Variants in MMP24 observed in about 807,000 individuals in gnomAD.
The protein encoded by MMP24 is matrix metallopeptidase 24, also known as matrix metalloproteinase-24.
Under a neutral mutation model 62.8 loss-of-function variants are expected in MMP24, and 25 were observed. The observed-to-expected ratio is 0.40, with a 90% CI of 0.29 to 0.56. MMP24 has a LOEUF of 0.56. Ranked by LOEUF, MMP24 falls within the 20% of genes least tolerant of loss-of-function variation. The probability of loss-of-function intolerance (pLI) is 0.50; values close to 1 mark genes in which losing one functional copy is unlikely to be tolerated. For missense variants in MMP24, 634 were observed against 853.6 expected (o/e 0.74, Z 3.21); for synonymous variants, 319 against 350.5 (o/e 0.91, Z 1.00).
In MMP24 at chr20:35,269,946, A is replaced by C. The variant is rs1412344952; in HGVS notation, c.1333+48A>C. ...ACAGTTCCCTGCCCAAGGTCTTGGG[A>C]CCTCCTTTTTCCCATCTAAACTGGA... On this transcript the variant is annotated intron_variant, in intron 7 of 8. Coordinates refer to ENST00000246186, the MANE Select transcript of MMP24 (RefSeq NM_006690.4). The surrounding 1 kb of genome is among the most constrained non-coding windows in gnomAD (Gnocchi z 4.6). The C allele has an allele frequency of 3.2e-6, 5 of 1,547,958 alleles. No individual in the cohort carries two copies. The highest frequency in any genetic ancestry group is 4.4e-6 in the Non-Finnish European group (5 of 1,144,732).
In MMP24 at chr20:35,272,128, C is replaced by T. The variant is rs527468677; in HGVS notation, c.1600+293C>T. The T allele has an allele frequency of 2.6e-3, 1,218 of 469,078 alleles. 13 individuals carry two copies. Among genetic ancestry groups the T allele is most frequent in the Middle Eastern group, 0.023 (42 of 1,818 alleles). The allele number at this position is 469,078 out of a possible 1,614,324, so 29.1% of individuals were successfully genotyped here. A position where few individuals can be genotyped will look rare whatever the true frequency, so the allele number is the denominator to read the frequency against. On this transcript the variant is annotated intron_variant, in intron 8 of 8. Coordinates refer to ENST00000246186, the MANE Select transcript of MMP24 (RefSeq NM_006690.4). ...ACTTATCCTCAGTGTACTCCAGGGA[C>T]GCCTTGAGTTACCCAATCTGAAAAG...
At chr20:35,230,949 AC>A (rs1468662015) in intron 1 of MMP24, among the ~76,000 whole-genome samples, 7 of 151,796 alleles carry the variant, frequency 4.6e-5, no homozygotes, top group Non-Finnish European at 1.0e-4. Flanking sequence ...TTTTCTCCAC[AC>A]CCCACAACCC....
chr20:35,239,309 T>C (rs1310157118), intron 1 of MMP24, among the ~76,000 whole-genome samples: 1 of 150,786 alleles, frequency 6.6e-6, no homozygotes, highest in Non-Finnish European at 1.5e-5. Flanking sequence ...AGTGCTGAGA[T>C]TACAGGCATG....
intron 4 of MMP24, 114 bp from the exon 5 acceptor site, chr20:35,263,677 C>CG: frequency 2.3e-6 from 2 of 861,962 alleles, no homozygotes; most frequent in Non-Finnish European, 3.4e-6. Flanking sequence ...CCCTGGTGTC[C>CG]AGCACGGGGC....
chr20:35,264,059 ACTG>A lies in MMP24; in HGVS notation c.979+114_979+116del, dbSNP rs2060618859. ...GGAGGGGGACGTTGCTATCATCAGC[ACTG>A]CTGCTGTTTCTCTGTGTGTGACCTT... On this transcript the variant is annotated intron_variant, in intron 5 of 8. Coordinates refer to ENST00000246186, the MANE Select transcript of MMP24 (RefSeq NM_006690.4). 8 of 1,221,318 alleles carry A rather than the reference ACTG, an allele frequency of 6.6e-6. No homozygotes were observed. The South Asian group carries it at 1.3e-4, about 20-fold the overall frequency. 75.7% of individuals were successfully genotyped at this position (1,221,318 alleles called of 1,614,324 possible). A position where few individuals can be genotyped will look rare whatever the true frequency, so the allele number is the denominator to read the frequency against.
At chr20:35,238,383 C>T (rs963398602) in intron 1 of MMP24, among the ~76,000 whole-genome samples, 8 of 151,916 alleles carry the variant, frequency 5.3e-5, no homozygotes, top group Admixed American at 3.3e-4. Flanking sequence ...GTAAGAATTG[C>T]GATAAGGAAA....
chr20:35,239,286 C>T (rs2060477489), intron 1 of MMP24, among the ~76,000 whole-genome samples: 1 of 152,090 alleles, frequency 6.6e-6, no homozygotes, highest in African/African-American at 2.4e-5. Flanking sequence ...ATCTGTCTGC[C>T]TCGGCCTCTC....
chr20:35,251,288 T>C (rs1227639247), intron 2 of MMP24, among the ~76,000 whole-genome samples: 5 of 151,836 alleles, frequency 3.3e-5, no homozygotes, highest in Admixed American at 6.6e-5. Context: ...CTGGCTAATT[T>C]TTTTTTTTGT....
At chr20:35,229,918 C>A (rs867073596) in intron 1 of MMP24, among the ~76,000 whole-genome samples, 7 of 152,180 alleles carry the variant, frequency 4.6e-5, no homozygotes, top group Admixed American at 3.3e-4. Context: ...ATTTTCTTCT[C>A]TCTTCTCCAG....
chr20:35,241,746 C>T (rs138793099), intron 1 of MMP24, among the ~76,000 whole-genome samples: 169 of 152,286 alleles, frequency 1.1e-3, no homozygotes, highest in African/African-American at 3.8e-3. Context: ...AGCACTGGAA[C>T]GCTAGAGTGG....
chr20:35,244,721 T>C (rs1266157116), intron 1 of MMP24, among the ~76,000 whole-genome samples: 1 of 152,218 alleles, frequency 6.6e-6, no homozygotes, highest in Non-Finnish European at 1.5e-5. Context: ...ATTACAGGCA[T>C]GAGCCACCGC....
At chr20:35,239,729 A>G (rs1249800192) in intron 1 of MMP24, among the ~76,000 whole-genome samples, 1 of 152,176 alleles carries the variant, frequency 6.6e-6, no homozygotes, top group Non-Finnish European at 1.5e-5. Context: ...CAGGAGGCTG[A>G]GGTGGGAGGA....
Position 35,254,439 on chromosome 20 carries a change from T to C in MMP24, c.513-11T>C, listed in dbSNP as rs2060564419. The C allele has an allele frequency of 6.2e-7, 1 of 1,607,602 alleles. No individual in the cohort carries two copies. The highest frequency in any genetic ancestry group is 8.5e-7 in the Non-Finnish European group (1 of 1,175,298). On this transcript the variant is annotated splice_polypyrimidine_tract_variant and intron_variant, in intron 3 of 8. Coordinates refer to ENST00000246186, the MANE Select transcript of MMP24 (RefSeq NM_006690.4). The stretch of plus-strand genomic sequence containing the variant: ...CTGATCTTGCCTAATGATCCTCCCC[T>C]CTCTCACCAGCATTCACAACTATAC...
chr20:35,274,362 G>A lies in MMP24; in HGVS notation c.1691G>A (p.Arg564His), dbSNP rs751887. ...CCAGGCTACCCGCGCAACATCCTGCGTGACTGGATGGGCTGCAACCAGAAG... is the reference window on the plus strand; with the variant it reads ...CCAGGCTACCCGCGCAACATCCTGCATGACTGGATGGGCTGCAACCAGAAG... ...VEPGYPRNILRDWMGCNQKEV... is the reference protein window; with the variant it reads ...VEPGYPRNILHDWMGCNQKEV... The change falls in exon 9 of 9, where the codon CGT (arginine) becomes CAT (histidine). Residue 564 changes from arginine to histidine, a missense_variant. Arg to His is a conservative substitution (Grantham distance 29). Around this residue, in one of 3 missense-constraint regions of MMP24, gnomAD observed 399 missense variants for 530.8 expected, o/e 0.75. Transcript: ENST00000246186. The surrounding 1 kb of genome is among the most constrained non-coding windows in gnomAD (Gnocchi z 5.1). The A allele has an allele frequency of 2.1e-3, 3,358 of 1,613,942 alleles. 46 individuals are homozygous for A. The African/African-American group carries it at 0.04, about 19-fold the overall frequency.
chr20:35,264,075 T>G, intron 5 of MMP24, 123 bp downstream of exon 5: 2 of 1,114,056 alleles, frequency 1.8e-6, no homozygotes, highest in Non-Finnish European at 1.2e-6. Context: ...GCTGTTTCTC[T>G]GTGTGTGACC....
chr20:35,273,648 A>C (rs2060685691), intron 8 of MMP24, among the ~76,000 whole-genome samples: 1 of 152,152 alleles, frequency 6.6e-6, no homozygotes, highest in Admixed American at 6.5e-5. Context: ...GAAGCCAGCC[A>C]ATGAGGACGG....
In MMP24 at chr20:35,269,658, G is replaced by A. The variant is rs1390777235; in HGVS notation, c.1195-102G>A. 1.4e-5 allele frequency: 19 copies of A among 1,389,848 alleles called. No homozygotes were observed. Among genetic ancestry groups the A allele is most frequent in the Non-Finnish European group, 1.8e-5 (19 of 1,035,260 alleles). 86.1% of individuals were successfully genotyped at this position (1,389,848 alleles called of 1,614,324 possible). A position where few individuals can be genotyped will look rare whatever the true frequency, so the allele number is the denominator to read the frequency against. ...CAGAAGCAGCTAATGGACAGTCTCG[G>A]TGGAGGGCTGGGCTGTTGGGACCTA... is the stretch of plus-strand genomic sequence containing the variant. On this transcript the variant is annotated intron_variant, in intron 6 of 8. Coordinates refer to ENST00000246186, the MANE Select transcript of MMP24 (RefSeq NM_006690.4). This position sits in a 1 kb window ranked among gnomAD's most constrained non-coding sequence, Gnocchi z 4.6.
intron 1 of MMP24, among the ~76,000 whole-genome samples, chr20:35,229,845 T>C (rs922904417): frequency 6.6e-6 from 1 of 152,162 alleles, no homozygotes. Flanking sequence ...TTGAAACCTT[T>C]CCTTAAAGTT....
At chr20:35,273,924 A>C (rs2060687539) in intron 8 of MMP24, among the ~76,000 whole-genome samples, 1 of 152,200 alleles carries the variant, frequency 6.6e-6, no homozygotes, top group South Asian at 2.1e-4. Context: ...AATGGAGCCC[A>C]CATGAGCGGG....
Sources: allele counts gnomAD v4.1 joint callset (sites outside exome capture counted in the v4.1 genomes callset), GRCh38; gene constraint gnomAD v4.1.1; regional missense constraint gnomAD v4.1.1; non-coding constraint Gnocchi (gnomAD v3.1); transcripts MANE v1.5; gene names NCBI Gene and HGNC (gene_info 2026-07-23, HGNC 2026-07-21).